Variants in RC3H1 observed in about 807,000 individuals in gnomAD.
RC3H1 encodes ring finger and CCCH-type domains 1.
In RC3H1, 50 loss-of-function variants were observed where a neutral mutation model predicts 138.2. The ratio of observed to expected loss-of-function variants is 0.36; its 90% confidence interval spans 0.29 to 0.46. The LOEUF (loss-of-function observed/expected upper bound fraction) is 0.46. Among genes scored for constraint, RC3H1 ranks in the 20% least tolerant of loss-of-function variants. RC3H1 has a pLI of 1.00. For synonymous variants in RC3H1, 462 were observed against 489.1 expected (o/e 0.94, Z 0.73); for missense variants, 1,031 against 1,388.1 (o/e 0.74, Z 4.09).
intron 1 of RC3H1, among the ~76,000 whole-genome samples, chr1:173,993,377 C>T (rs1175204807): frequency 6.6e-6 from 1 of 151,648 alleles, no homozygotes; most frequent in Non-Finnish European, 1.5e-5. Flanking sequence ...AATAAAGTTC[C>T]ATCCAGGACC....
rs1465454026 is a variant in RC3H1 at position 173,961,768 on chromosome 1, G to A, written c.2159C>T (p.Pro720Leu). Residue 720 changes from proline to leucine, a missense_variant, in exon 12 of 20, where the codon CCA becomes CTA. Around this residue, in one of 7 missense-constraint regions of RC3H1, gnomAD observed 716 missense variants for 837.9 expected, o/e 0.85. Transcript: ENST00000367696. Reference protein sequence around the residue: ...ERYQQIESYYPVAPHPTQIRP... With the variant: ...ERYQQIESYYLVAPHPTQIRP... Reference sequence around the variant, plus strand: ...GATCTGAGTTGGATGAGGAGCCACTGGATAGTAACTCTCGATCTGTTGGTA... The same window carrying A: ...GATCTGAGTTGGATGAGGAGCCACTAGATAGTAACTCTCGATCTGTTGGTA... 6.2e-7 allele frequency: 1 copy of A among 1,612,844 alleles called. No homozygotes were observed. The highest frequency in any genetic ancestry group is 2.2e-5 in the East Asian group (1 of 44,878).
chr1:173,961,517 A>C (rs1331405206), intron 12 of RC3H1, among the ~76,000 whole-genome samples: 2 of 152,048 alleles, frequency 1.3e-5, no homozygotes. Flanking sequence ...AAACTAAGAA[A>C]GGTTAATTGT....
chr1:173,941,170 A>G, intron 19 of RC3H1, 95 bp downstream of exon 19: 1 of 770,590 alleles, frequency 1.3e-6, no homozygotes, highest in Non-Finnish European at 2.2e-6. Context: ...GAATCAAATT[A>G]TATTTATGAG....
In RC3H1 at chr1:173,964,938, T is replaced by C; in HGVS notation, c.1517A>G (p.Gln506Arg). 6.2e-7 allele frequency: 1 copy of C among 1,614,146 alleles called. No individual in the cohort carries two copies. The highest frequency in any genetic ancestry group is 8.5e-7 in the Non-Finnish European group (1 of 1,180,014). The change falls in exon 10 of 20, where the codon CAG (glutamine) becomes CGG (arginine). Residue 506 changes from glutamine (Q) to arginine (R), a missense_variant. Gln to Arg is a conservative substitution (Grantham distance 43). Around this residue, in one of 7 missense-constraint regions of RC3H1, gnomAD observed 716 missense variants for 837.9 expected, o/e 0.85. Coordinates refer to ENST00000367696, the MANE Select transcript of RC3H1 (RefSeq NM_172071.4). Reference sequence around the variant, plus strand: ...GGGGTCTGTCCCTCGCGGAATAAGCTGTGTTACTGTATTCCCTGTTGATAC... The same window carrying C: ...GGGGTCTGTCCCTCGCGGAATAAGCCGTGTTACTGTATTCCCTGTTGATAC... ...GIVSTGNTVT[Q>R]LIPRGTDPSY...
In RC3H1 at chr1:173,983,655, C is replaced by T. The variant is rs1331278482; in HGVS notation, c.355G>A (p.Val119Met). The stretch of plus-strand genomic sequence containing the variant: ...CTCTGAGTAGTGCTGTTCAGACCCA[C>T]TCCTTTAAAAGAGTAAAGAAGTTAT... ...YLKPLSSARG[V>M]GLNSTTQSVL... The change falls in exon 4 of 20, where the codon GTG (valine) becomes ATG (methionine). Residue 119 changes from valine to methionine, a missense_variant and splice_region_variant. This residue lies in a region of RC3H1 where 80 missense variants were observed against 81.1 expected (regional missense o/e 0.99). Transcript: ENST00000367696. 1.9e-6 allele frequency: 3 copies of T among 1,613,772 alleles called. No homozygotes were observed. Among genetic ancestry groups the T allele is most frequent in the African/African-American group, 2.7e-5 (2 of 74,922 alleles).
chr1:173,940,881 G>C (rs1228561393), intron 19 of RC3H1, among the ~76,000 whole-genome samples: 1 of 151,570 alleles, frequency 6.6e-6, no homozygotes, highest in Non-Finnish European at 1.5e-5. Context: ...GAGTACAGTG[G>C]CACGATCTTG....
rs1346440232 is a variant in RC3H1 at position 173,973,468 on chromosome 1, G to A, written c.1103-841C>T. 3.3e-5 allele frequency among the ~76,000 whole-genome samples: 5 copies of A among 151,352 alleles called. No homozygotes were observed. The South Asian group carries it at 8.4e-4, about 25-fold the overall frequency. ...GGAGAATCGCTTGAACCCGGGAGGC[G>A]GAGGTTGCAGTGAGCCGAGATTGCA... On this transcript the variant is annotated intron_variant, in intron 7 of 19. Coordinates refer to ENST00000367696, the MANE Select transcript of RC3H1 (RefSeq NM_172071.4).
chr1:173,961,015 T>C (rs1000047620), intron 13 of RC3H1, 62 bp downstream of exon 13: 133 of 1,512,218 alleles, frequency 8.8e-5, no homozygotes, highest in Admixed American at 3.0e-4. Context: ...TAGGCAAAGA[T>C]GACTTAAACC....
At chr1:173,977,271 C>T (rs1660629227) in intron 7 of RC3H1, among the ~76,000 whole-genome samples, 1 of 152,010 alleles carries the variant, frequency 6.6e-6, no homozygotes, top group African/African-American at 2.4e-5. Flanking sequence ...ATTGGAGGAA[C>T]TCATAGTAGA....
intron 1 of RC3H1, among the ~76,000 whole-genome samples, chr1:174,017,783 C>CCAAAAAAA (rs1165317766): frequency 6.9e-5 from 5 of 72,032 alleles, no homozygotes; most frequent in African/African-American, 2.9e-4. Context: ...TTTTCTTGCT[C>CCAAAAAAA]AAAAAAAAAA....
intron 2 of RC3H1, among the ~76,000 whole-genome samples, chr1:173,988,678 GT>G (rs1202265527): frequency 2.6e-5 from 4 of 152,216 alleles, no homozygotes; most frequent in African/African-American, 9.6e-5. Context: ...AAAGATGAGA[GT>G]TTTTGTTGCT....
rs574319063 is a variant in RC3H1, at chr1:173,978,099, T to C, written c.1102+389A>G. On this transcript the variant is annotated intron_variant, in intron 7 of 19. Coordinates refer to ENST00000367696, the MANE Select transcript of RC3H1 (RefSeq NM_172071.4). The stretch of plus-strand genomic sequence containing the variant: ...ACAGGATACTTGAAGGAACAAGATA[T>C]CATGGAGAGGGCAAAAACAGGATCA... 2.0e-5 allele frequency among the ~76,000 whole-genome samples: 3 copies of C among 151,902 alleles called. No homozygotes were observed. The South Asian group carries it at 6.2e-4, about 32-fold the overall frequency.
chr1:173,970,792 T>G (rs1660323703), intron 8 of RC3H1, among the ~76,000 whole-genome samples, 175 bp from the exon 9 acceptor site: 1 of 152,134 alleles, frequency 6.6e-6, no homozygotes, highest in Non-Finnish European at 1.5e-5. Context: ...AGTCCAAATA[T>G]AAATAAAGCA....
chr1:173,936,552 C>CCAATAA lies in RC3H1; in HGVS notation c.*2163_*2168dup, dbSNP rs1403897958. Reference sequence around the variant, plus strand: ...AAAAAAAAAAAAAGAAGGTTGGAGGCCAATAATGTTGCCTTTTACTGTTAT... The same window carrying CCAATAA: ...AAAAAAAAAAAAAGAAGGTTGGAGGCCAATAACAATAATGTTGCCTTTTACTGTTAT... On this transcript the variant is annotated 3_prime_UTR_variant, in exon 20 of 20. Coordinates refer to ENST00000367696, the MANE Select transcript of RC3H1 (RefSeq NM_172071.4). The CCAATAA allele has an allele frequency of 6.9e-6, 1 of 144,480 alleles. No homozygotes were observed. Among genetic ancestry groups the CCAATAA allele is most frequent in the Non-Finnish European group, 1.5e-5 (1 of 66,476 alleles). The allele number at this position is 144,480 out of a possible 1,614,324, so 8.9% of individuals were successfully genotyped here. A position where few individuals can be genotyped will look rare whatever the true frequency, so the allele number is the denominator to read the frequency against.
chr1:173,964,190 A>C lies in RC3H1; in HGVS notation c.1617-3T>G. On this transcript the variant is annotated splice_region_variant and splice_polypyrimidine_tract_variant and intron_variant, in intron 10 of 19. Coordinates refer to ENST00000367696, the MANE Select transcript of RC3H1 (RefSeq NM_172071.4). ...TACTCTTAGGAACAGATTCTAGCCT[A>C]AGGGAATAATATTATGGAAGTTGTT... 3 of 1,601,514 alleles carry C rather than the reference A, an allele frequency of 1.9e-6. No homozygotes were observed. The highest frequency in any genetic ancestry group is 1.7e-6 in the Non-Finnish European group (2 of 1,168,522).
At chr1:173,941,592 G>C in intron 18 of RC3H1, 1 of 431,208 alleles carries the variant, frequency 2.3e-6, no homozygotes. Context: ...CAATAAGACA[G>C]ACAATGCCTC....
chr1:174,008,996 A>G (rs916628033), intron 1 of RC3H1, among the ~76,000 whole-genome samples: 68 of 150,902 alleles, frequency 4.5e-4, no homozygotes, highest in African/African-American at 1.6e-3. Flanking sequence ...AAAAAAAAAA[A>G]AAGAGATGTT....
intron 2 of RC3H1, among the ~76,000 whole-genome samples, chr1:173,992,119 TA>T (rs1359405017): frequency 6.6e-6 from 1 of 152,184 alleles, no homozygotes; most frequent in Non-Finnish European, 1.5e-5. Context: ...TTCTCAATGT[TA>T]AAAAAGGTCC....
At chr1:173,988,386 CTA>C (rs1308517708) in intron 2 of RC3H1, among the ~76,000 whole-genome samples, 1 of 152,134 alleles carries the variant, frequency 6.6e-6, no homozygotes, top group Non-Finnish European at 1.5e-5. Context: ...TGAGATATAT[CTA>C]TGTCTTTTTG....
Sources: allele counts gnomAD v4.1 joint callset (sites outside exome capture counted in the v4.1 genomes callset), GRCh38; gene constraint gnomAD v4.1.1; regional missense constraint gnomAD v4.1.1; transcripts MANE v1.5; gene names NCBI Gene and HGNC (gene_info 2026-07-23, HGNC 2026-07-21).